The following LRP12 variants were observed in gnomAD, a reference collection of about 807,000 sequenced individuals.
LRP12 encodes the protein low-density lipoprotein receptor-related protein 12.
LRP12 carries 14 observed loss-of-function variants against 66.0 expected under a neutral mutation model. The observed-to-expected ratio is 0.21, with a 90% CI of 0.14 to 0.33. LRP12 has a LOEUF of 0.33. Ranked by LOEUF, LRP12 falls within the 10% of genes least tolerant of loss-of-function variation. The pLI, the probability that LRP12 is intolerant of heterozygous loss-of-function variation, is 1.00. For synonymous variants in LRP12, 357 were observed against 359.1 expected, an observed-to-expected ratio of 0.99 and a Z score of 0.07; for missense variants, 889 against 1,053.4, an observed-to-expected ratio of 0.84 and a Z score of 2.16.
Position 104,495,110 on chromosome 8 carries a change from T to C in LRP12, c.1680A>G (p.Pro560=). The C allele has an allele frequency of 6.8e-6, 11 of 1,613,820 alleles. No individual in the cohort carries two copies. The highest frequency in any genetic ancestry group is 9.3e-6 in the Non-Finnish European group (11 of 1,179,844). ...GQLIAQGLIP[P]VEDFPVCSPN... is the part of the protein sequence containing the mutation. ...GTGAACAAACAGGAAAATCTTCAACTGGTGGAATTAAACCCTGAGCAATCA... is the reference window on the plus strand; with the variant it reads ...GTGAACAAACAGGAAAATCTTCAACCGGTGGAATTAAACCCTGAGCAATCA... Residue 560 remains proline (P), a synonymous_variant, in exon 6 of 7, where the codon CCA becomes CCG. Transcript: ENST00000276654.
intron 3 of LRP12, among the ~76,000 whole-genome samples, chr8:104,503,493 T>C (rs190640835): frequency 3.9e-5 from 6 of 152,298 alleles, no homozygotes; most frequent in East Asian, 1.9e-4. Flanking sequence ...AAATGCTTCA[T>C]AGTACTTTGT....
intron 1 of LRP12, among the ~76,000 whole-genome samples, chr8:104,559,185 C>T (rs1260641200): frequency 6.6e-6 from 1 of 151,948 alleles, no homozygotes; most frequent in African/African-American, 2.4e-5. Flanking sequence ...TTCACAATTG[C>T]AAAAATGAGG....
At chr8:104,503,770 A>C (rs1420348107) in intron 3 of LRP12, among the ~76,000 whole-genome samples, 2 of 152,204 alleles carry the variant, frequency 1.3e-5, no homozygotes. Context: ...AAACAAACAT[A>C]TAATTAGCAA....
chr8:104,582,629 A>G (rs1265884605), intron 1 of LRP12, among the ~76,000 whole-genome samples: 1 of 152,182 alleles, frequency 6.6e-6, no homozygotes, highest in Non-Finnish European at 1.5e-5. Flanking sequence ...CATTGACAAA[A>G]TGACTGCCCT....
chr8:104,546,710 G>T (rs973025305), intron 1 of LRP12, among the ~76,000 whole-genome samples: 26 of 151,504 alleles, frequency 1.7e-4, no homozygotes, highest in Non-Finnish European at 1.0e-4. Context: ...AAAAAAATTA[G>T]TATCTGTGTA....
At chr8:104,517,383 T>C (rs1223724874) in intron 2 of LRP12, among the ~76,000 whole-genome samples, 5 of 151,858 alleles carry the variant, frequency 3.3e-5, no homozygotes, top group Admixed American at 2.6e-4. Context: ...GAGAAGTTGG[T>C]AGAGCCACAG....
At chr8:104,501,994 G>C (rs1041633285) in intron 3 of LRP12, among the ~76,000 whole-genome samples, 3 of 151,982 alleles carry the variant, frequency 2.0e-5, no homozygotes, top group African/African-American at 7.3e-5. Flanking sequence ...ATAAATTTTC[G>C]TGTTTTCAAG....
chr8:104,576,498 A>G (rs551508741), intron 1 of LRP12, among the ~76,000 whole-genome samples: 6 of 152,324 alleles, frequency 3.9e-5, no homozygotes, highest in South Asian at 2.1e-4. Context: ...CCAGAATTTC[A>G]TATCTTGCCA....
chr8:104,546,271 C>CA (rs1250361915), intron 1 of LRP12, among the ~76,000 whole-genome samples: 2 of 152,090 alleles, frequency 1.3e-5, no homozygotes, highest in South Asian at 2.1e-4. Context: ...AACTTATATG[C>CA]AAAAAATCCA....
intron 2 of LRP12, among the ~76,000 whole-genome samples, chr8:104,511,027 T>G (rs1268066640): frequency 8.0e-6 from 1 of 124,282 alleles, no homozygotes; most frequent in African/African-American, 3.0e-5. Flanking sequence ...TTTGGAAAAA[T>G]GACTTTTTTT....
chr8:104,556,460 T>C (rs1466453539), intron 1 of LRP12, among the ~76,000 whole-genome samples: 17 of 152,042 alleles, frequency 1.1e-4, no homozygotes, highest in Non-Finnish European at 4.4e-5. Context: ...TGGGAGATAT[T>C]ACAACTGATA....
intron 2 of LRP12, among the ~76,000 whole-genome samples, chr8:104,524,751 C>CT (rs1811204714): frequency 1.3e-5 from 2 of 152,044 alleles, no homozygotes; most frequent in East Asian, 1.9e-4. Context: ...AATCTTTTTG[C>CT]TTTTTTCTAA....
intron 1 of LRP12, among the ~76,000 whole-genome samples, 175 bp from the exon 2 acceptor site, chr8:104,532,138 G>A (rs774484923): frequency 6.6e-6 from 1 of 151,824 alleles, no homozygotes; most frequent in Non-Finnish European, 1.5e-5. Context: ...TAATAGTAAT[G>A]GGGAAAACAA....
At chr8:104,566,104 AC>A in intron 1 of LRP12, 1 of 280,156 alleles carries the variant, frequency 3.6e-6, no homozygotes, top group East Asian at 7.3e-5. Context: ...TGTGCTGAAG[AC>A]CACTGGCCTT....
chr8:104,547,588 ATAATATATAATAATTAT>A (rs1811603597), intron 1 of LRP12, among the ~76,000 whole-genome samples: 1 of 122,400 alleles, frequency 8.2e-6, no homozygotes, highest in African/African-American at 3.2e-5. Context: ...ATATTAATAT[ATAATATATAATAATTAT>A]TAATATATAA....
intron 1 of LRP12, among the ~76,000 whole-genome samples, chr8:104,584,951 G>A (rs1043821343): frequency 2.0e-5 from 3 of 152,124 alleles, no homozygotes; most frequent in Non-Finnish European, 4.4e-5. Context: ...AAATTCATGG[G>A]AAAAGATTCA....
chr8:104,490,867 GA>G lies in LRP12; in HGVS notation c.2385del (p.Asp797IlefsTer21). The G allele has an allele frequency of 6.2e-7, 1 of 1,614,116 alleles. No individual in the cohort carries two copies. The highest frequency in any genetic ancestry group is 1.1e-5 in the South Asian group (1 of 91,080). On this transcript the variant is annotated frameshift_variant, in exon 7 of 7. Coordinates refer to ENST00000276654, the MANE Select transcript of LRP12 (RefSeq NM_013437.5). LOFTEE classifies it high-confidence loss of function. ...TGTCCTTGATCTGAGGCAAGATCAA[GA>G]AGAGGTCTGGAGCAGTCATTCACAT... Reference protein sequence around the residue: ...DFDVNDCSRPLLDLASDQGQG... With the variant: ...DFDVNDCSRPXLDLASDQGQG...
intron 2 of LRP12, among the ~76,000 whole-genome samples, chr8:104,526,331 T>G (rs572695904): frequency 6.6e-6 from 1 of 151,866 alleles, no homozygotes; most frequent in African/African-American, 2.4e-5. Flanking sequence ...GAAAAAACTA[T>G]TTTAAAGTTC....
intron 1 of LRP12, among the ~76,000 whole-genome samples, chr8:104,551,451 G>A (rs1350459964): frequency 6.6e-6 from 1 of 152,100 alleles, no homozygotes. Context: ...GAGGTTTGGA[G>A]TATAGATCCT....
Sources: allele counts gnomAD v4.1 joint callset (sites outside exome capture counted in the v4.1 genomes callset), GRCh38; gene constraint gnomAD v4.1.1; transcripts MANE v1.5; gene names NCBI Gene and HGNC (gene_info 2026-07-23, HGNC 2026-07-21).